The following PTPRT variants were observed in gnomAD, a reference collection of about 807,000 sequenced individuals.
The protein encoded by PTPRT is protein tyrosine phosphatase receptor type T, also known as receptor-type tyrosine-protein phosphatase T.
PTPRT carries 56 observed loss-of-function variants against 176.8 expected under a neutral mutation model. The observed-to-expected ratio is 0.32, with a 90% CI of 0.26 to 0.40. The LOEUF (loss-of-function observed/expected upper bound fraction) is 0.40, where lower values mean the gene tolerates loss of function less well. Ranked by LOEUF, PTPRT falls within the 10% of genes least tolerant of loss-of-function variation. The pLI, the probability that PTPRT is intolerant of heterozygous loss-of-function variation, is 1.00. For synonymous variants in PTPRT, 783 were observed against 739.0 expected, an observed-to-expected ratio of 1.06 and a Z score of -0.96; for missense variants, 1,540 against 1,908.2, an observed-to-expected ratio of 0.81 and a Z score of 3.60.
chr20:42,809,913 G>A (rs1194162770), intron 2 of PTPRT, among the ~76,000 whole-genome samples: 1 of 152,086 alleles, frequency 6.6e-6, no homozygotes, highest in South Asian at 2.1e-4. Context: ...ATGCTGGGGG[G>A]CCGTGATTCA....
intron 11 of PTPRT, among the ~76,000 whole-genome samples, chr20:42,338,100 A>G (rs1489812103): frequency 6.6e-6 from 1 of 152,230 alleles, no homozygotes; most frequent in East Asian, 1.9e-4. Flanking sequence ...TGCATTCGTT[A>G]TGGAGGAAAT....
chr20:42,445,195 G>A (rs1397496904), intron 9 of PTPRT, among the ~76,000 whole-genome samples: 2 of 152,142 alleles, frequency 1.3e-5, no homozygotes, highest in African/African-American at 2.4e-5. Flanking sequence ...TGGCATCTGG[G>A]TAATATGAAC....
rs147948158 is a variant in PTPRT at position 42,814,360 on chromosome 20, G to C, written c.215-22894C>G. Among the ~76,000 whole-genome samples the C allele has an allele frequency of 2.2e-3, 335 of 152,264 alleles. 4 individuals carry two copies. The highest frequency in any genetic ancestry group is 7.8e-3 in the African/African-American group (322 of 41,538). The stretch of plus-strand genomic sequence containing the variant: ...CAGTGATCTTAACGCAAATATCTGA[G>C]TCACACTTTCCATAAGTAAGTTGGG... On this transcript the variant is annotated intron_variant, in intron 2 of 30. Transcript: ENST00000373187.
At chr20:42,314,321 G>A (rs2057681759) in intron 12 of PTPRT, among the ~76,000 whole-genome samples, 1 of 152,098 alleles carries the variant, frequency 6.6e-6, no homozygotes, top group African/African-American at 2.4e-5. Context: ...GAGGTCAGGA[G>A]ACCGAGACCA....
chr20:42,094,271 G>T (rs1984961681), intron 27 of PTPRT, among the ~76,000 whole-genome samples: 1 of 152,150 alleles, frequency 6.6e-6, no homozygotes, highest in Non-Finnish European at 1.5e-5. Flanking sequence ...TATTTCTTCA[G>T]CCAAAAGCGT....
intron 1 of PTPRT, among the ~76,000 whole-genome samples, chr20:42,968,558 T>C (rs1982435036): frequency 6.6e-6 from 1 of 152,116 alleles, no homozygotes; most frequent in Admixed American, 6.5e-5. Context: ...GTTATGAAAA[T>C]GGGCTCCATG....
chr20:42,850,355 C>T (rs1334004935), intron 2 of PTPRT, among the ~76,000 whole-genome samples: 1 of 152,182 alleles, frequency 6.6e-6, no homozygotes, highest in Non-Finnish European at 1.5e-5. Context: ...TCTTCTGAAG[C>T]CCTCCAATTA....
intron 1 of PTPRT, among the ~76,000 whole-genome samples, chr20:43,083,320 GTATATATATA>G (rs779087395): frequency 0.027 from 1,020 of 37,294 alleles, 89 homozygotes; most frequent in Middle Eastern, 0.081. Flanking sequence ...CACTTCAAAT[GTATATATATA>G]TATATATATA....
chr20:42,723,178 T>A (rs1290280588), intron 6 of PTPRT, among the ~76,000 whole-genome samples: 1 of 152,236 alleles, frequency 6.6e-6, no homozygotes, highest in Non-Finnish European at 1.5e-5. Flanking sequence ...ATATAAATGC[T>A]CAATCAGTGC....
chr20:42,612,310 C>T (rs1339372743), intron 7 of PTPRT, among the ~76,000 whole-genome samples: 2 of 152,190 alleles, frequency 1.3e-5, no homozygotes, highest in African/African-American at 4.8e-5. Context: ...GCACAACTGT[C>T]AGCAAGAACA....
At chr20:42,551,888 T>C (rs2060429933) in intron 7 of PTPRT, among the ~76,000 whole-genome samples, 2 of 152,174 alleles carry the variant, frequency 1.3e-5, no homozygotes, top group South Asian at 4.1e-4. Context: ...GTTCCAGTCA[T>C]TCTTAATCCC....
At chr20:43,084,313 T>C (rs978449632) in intron 1 of PTPRT, among the ~76,000 whole-genome samples, 7 of 152,020 alleles carry the variant, frequency 4.6e-5, no homozygotes, top group Non-Finnish European at 7.4e-5. Flanking sequence ...TGAGATGGGG[T>C]AATTTATAAA....
At chr20:42,255,585 T>C (rs1032653436) in intron 13 of PTPRT, among the ~76,000 whole-genome samples, 27 of 152,222 alleles carry the variant, frequency 1.8e-4, no homozygotes, top group Admixed American at 1.2e-3. Flanking sequence ...AAGGCCCATA[T>C]CAGGCTTGCA....
chr20:42,143,002 T>C (rs1988697167), intron 17 of PTPRT, among the ~76,000 whole-genome samples: 1 of 152,124 alleles, frequency 6.6e-6, no homozygotes, highest in Non-Finnish European at 1.5e-5. Context: ...AGCAACCAAA[T>C]GACCATATTC....
intron 1 of PTPRT, among the ~76,000 whole-genome samples, chr20:43,185,894 T>C (rs1278166402): frequency 3.3e-5 from 5 of 151,674 alleles, no homozygotes; most frequent in Non-Finnish European, 7.4e-5. Flanking sequence ...ACTGCACCAC[T>C]GCACTCCAGC....
Position 42,352,053 on chromosome 20 carries a change from T to C in PTPRT, c.1762+31A>G, listed in dbSNP as rs765941728. The C allele has an allele frequency of 9.4e-6, 15 of 1,596,936 alleles. 1 individual carries two copies. The highest frequency in any genetic ancestry group is 1.1e-5 in the Non-Finnish European group (13 of 1,167,242). ...ATCAGGAAGTGGGGGTGAAACAACC[T>C]TTTTTCCTTTTTCCTTTCTAGCAGA... On this transcript the variant is annotated intron_variant, in intron 10 of 30. Transcript: ENST00000373187.
intron 1 of PTPRT, among the ~76,000 whole-genome samples, chr20:42,961,293 T>C (rs985660025): frequency 2.0e-5 from 3 of 152,210 alleles, no homozygotes; most frequent in Admixed American, 6.5e-5. Flanking sequence ...AAGATTGCTA[T>C]GGTGCCTGTT....
At chr20:42,631,562 T>C (rs575521919) in intron 7 of PTPRT, among the ~76,000 whole-genome samples, 2 of 152,264 alleles carry the variant, frequency 1.3e-5, no homozygotes, top group African/African-American at 2.4e-5. Flanking sequence ...AGCTGTGAGG[T>C]AGGCCCAATA....
chr20:42,332,973 T>G (rs1375481791), intron 11 of PTPRT, among the ~76,000 whole-genome samples: 2 of 152,228 alleles, frequency 1.3e-5, no homozygotes, highest in Non-Finnish European at 2.9e-5. Context: ...GCAAGACAGA[T>G]ATAAATTTTA....
Sources: gnomAD v4.1 joint callset for allele counts (sites outside exome capture counted in the v4.1 genomes callset) on GRCh38, gnomAD v4.1.1 for gene constraint, MANE v1.5 for transcripts, NCBI Gene and HGNC (gene_info 2026-07-23, HGNC 2026-07-21) for gene names.